TRAK1: variants seen among roughly 807,000 people sequenced by gnomAD.
The protein encoded by TRAK1 is trafficking kinesin-binding protein 1.
In TRAK1, 33 loss-of-function variants were observed where a neutral mutation model predicts 92.1. The observed-to-expected ratio is 0.36, with a 90% CI of 0.27 to 0.48. The LOEUF is 0.48. Among genes scored for constraint, TRAK1 ranks in the 20% least tolerant of loss-of-function variants. TRAK1 has a pLI of 0.99. For missense variants in TRAK1, 1,123 were observed against 1,257.9 expected (o/e 0.89, Z 1.62); for synonymous variants, 521 against 517.3 (o/e 1.01, Z -0.10).
chr3:42,180,097 T>G (rs1352431089), intron 3 of TRAK1, among the ~76,000 whole-genome samples: 1 of 152,044 alleles, frequency 6.6e-6, no homozygotes, highest in Non-Finnish European at 1.5e-5. Context: ...AAATGGGAGG[T>G]TTTTTTCATT....
At chr3:42,215,605 G>C (rs1709596192) in intron 14 of TRAK1, among the ~76,000 whole-genome samples, 1 of 152,126 alleles carries the variant, frequency 6.6e-6, no homozygotes, top group East Asian at 1.9e-4. Flanking sequence ...CTTAAGTCAA[G>C]GAAAGAAAGG....
chr3:42,037,418 A>G (rs1360162246), intron 1 of TRAK1, among the ~76,000 whole-genome samples: 1 of 152,170 alleles, frequency 6.6e-6, no homozygotes, highest in African/African-American at 2.4e-5. Flanking sequence ...TTTCCTGCAG[A>G]TGTTCAGGAC....
At chr3:42,092,756 ATGT>A (rs1559754381) in intron 1 of TRAK1, among the ~76,000 whole-genome samples, 12 of 150,526 alleles carry the variant, frequency 8.0e-5, no homozygotes, top group African/African-American at 1.5e-4. Context: ...ATGTTATGTT[ATGT>A]TATGTTATGT....
intron 1 of TRAK1, among the ~76,000 whole-genome samples, chr3:42,108,492 T>TAAAAA (rs10578367): frequency 8.3e-6 from 1 of 120,266 alleles, no homozygotes; most frequent in East Asian, 2.5e-4. Context: ...ACCCTGCCTT[T>TAAAAA]AAAAAAAAAA....
intron 2 of TRAK1, among the ~76,000 whole-genome samples, chr3:42,176,565 C>T (rs1703238785): frequency 6.6e-6 from 1 of 152,198 alleles, no homozygotes; most frequent in South Asian, 2.1e-4. Context: ...CATGCTCATA[C>T]ACACAGACAC....
intron 1 of TRAK1, among the ~76,000 whole-genome samples, chr3:42,040,801 C>T (rs960796005): frequency 1.3e-5 from 2 of 152,018 alleles, no homozygotes; most frequent in South Asian, 4.1e-4. Flanking sequence ...GCCTCAGCCT[C>T]CTGGGTAGCT....
At chr3:42,054,904 ATTTTTTTTTTTTTTTTTTTTTTT>A (rs1157067369) in intron 1 of TRAK1, among the ~76,000 whole-genome samples, 1 of 37,086 alleles carries the variant, frequency 2.7e-5, no homozygotes, top group African/African-American at 9.0e-5. Context: ...AGCAAACTAG[ATTTTTTTTTTTTTTTTTTTTTTT>A]TTTTTTTTTT....
chr3:42,016,029 C>G (rs1220015873), intron 1 of TRAK1, among the ~76,000 whole-genome samples: 1 of 151,566 alleles, frequency 6.6e-6, no homozygotes, highest in Non-Finnish European at 1.5e-5. Flanking sequence ...AGAGCAAGAC[C>G]CCATCTCAAA....
In TRAK1 at chr3:42,092,763, G is replaced by GTTATGTTATGTTATGTTATGTTATA. The variant is rs67683529; in HGVS notation, c.91+1212_91+1213insGTTATGTTATGTTATATTATGTTAT. On this transcript the variant is annotated intron_variant, in intron 1 of 15. Transcript: ENST00000327628. ...GTTATGTTATGTTATGTTATGTTAT[G>GTTATGTTATGTTATGTTATGTTATA]TTATGTTATTTCGTGACTCACTGTA... 4.7e-3 allele frequency among the ~76,000 whole-genome samples: 693 copies of GTTATGTTATGTTATGTTATGTTATA among 147,812 alleles called. 6 individuals carry two copies. The highest frequency in any genetic ancestry group is 7.0e-3 in the Non-Finnish European group (466 of 67,022).
At chr3:42,020,991 A>G (rs1351217018) in intron 1 of TRAK1, among the ~76,000 whole-genome samples, 1 of 152,212 alleles carries the variant, frequency 6.6e-6, no homozygotes, top group Non-Finnish European at 1.5e-5. Flanking sequence ...TTGGAGGTTT[A>G]CTTAAACTAA....
intron 10 of TRAK1, among the ~76,000 whole-genome samples, chr3:42,198,818 A>G (rs1438811357): frequency 6.6e-6 from 1 of 151,892 alleles, no homozygotes; most frequent in Admixed American, 6.6e-5. Flanking sequence ...ACCTGTCTCC[A>G]TCATTCTGAA....
At chr3:42,050,474 T>C (rs1468923749) in intron 1 of TRAK1, among the ~76,000 whole-genome samples, 1 of 152,140 alleles carries the variant, frequency 6.6e-6, no homozygotes, top group Non-Finnish European at 1.5e-5. Context: ...GCCCAGTTCC[T>C]ACAAGCCCTG....
At chr3:42,075,286 A>C (rs994825322) in intron 1 of TRAK1, among the ~76,000 whole-genome samples, 2 of 142,086 alleles carry the variant, frequency 1.4e-5, no homozygotes, top group Non-Finnish European at 3.0e-5. Flanking sequence ...TGTTGCAGGG[A>C]GCTGAGATAG....
chr3:42,103,146 C>T (rs182987156), intron 1 of TRAK1, among the ~76,000 whole-genome samples: 68 of 152,166 alleles, frequency 4.5e-4, no homozygotes, highest in African/African-American at 1.5e-3. Context: ...TCAGTCTCCT[C>T]GCATCTCCCA....
intron 1 of TRAK1, among the ~76,000 whole-genome samples, chr3:42,056,529 G>A (rs1376721824): frequency 6.6e-6 from 1 of 152,090 alleles, no homozygotes; most frequent in Non-Finnish European, 1.5e-5. Flanking sequence ...TTCAACAGAA[G>A]CAGAAATATT....
intron 1 of TRAK1, 143 bp from the exon 2 acceptor site, chr3:42,125,277 A>G: frequency 1.4e-6 from 1 of 695,738 alleles, no homozygotes; most frequent in Non-Finnish European, 2.3e-6. Flanking sequence ...AATTGGAAAA[A>G]GACTCCTGAT....
intron 2 of TRAK1, among the ~76,000 whole-genome samples, chr3:42,161,475 C>T (rs1467175305): frequency 6.6e-6 from 1 of 151,912 alleles, no homozygotes; most frequent in African/African-American, 2.4e-5. Flanking sequence ...CTTCTGGGCT[C>T]AAGCGATCCT....
At chr3:42,101,873 C>G (rs975162558) in intron 1 of TRAK1, among the ~76,000 whole-genome samples, 2 of 152,300 alleles carry the variant, frequency 1.3e-5, no homozygotes, top group East Asian at 1.9e-4. Context: ...GTTGGTGAGT[C>G]CAGCAATCCT....
chr3:42,177,455 A>T (rs1291376824), intron 3 of TRAK1, among the ~76,000 whole-genome samples: 1 of 152,266 alleles, frequency 6.6e-6, no homozygotes, highest in African/African-American at 2.4e-5. Context: ...TGAGTATAAT[A>T]TGTGTATGTG....
Sources: allele counts gnomAD v4.1 joint callset (sites outside exome capture counted in the v4.1 genomes callset), GRCh38; gene constraint gnomAD v4.1.1; transcripts MANE v1.5; gene names NCBI Gene and HGNC (gene_info 2026-07-23, HGNC 2026-07-21).